The following PPP4R3A variants were observed in gnomAD, a reference collection of about 807,000 sequenced individuals.
PPP4R3A encodes serine/threonine-protein phosphatase 4 regulatory subunit 3A.
A neutral mutation model predicts 91.7 loss-of-function variants in PPP4R3A; 15 were observed. The observed-to-expected ratio is 0.16, with a 90% CI of 0.11 to 0.25. The LOEUF is 0.25. Ranked by LOEUF, PPP4R3A falls within the 10% of genes least tolerant of loss-of-function variation. The pLI is 1.00. For synonymous variants in PPP4R3A, 377 were observed against 348.7 expected (o/e 1.08, Z -0.91); for missense variants, 623 against 998.4 (o/e 0.62, Z 5.07).
upstream of PPP4R3A, chr14:91,510,509 T>A (rs1038533437): frequency 1.3e-5 from 2 of 152,260 alleles, no homozygotes; most frequent in Non-Finnish European, 2.9e-5. Flanking sequence ...CGAGGCTCCC[T>A]CCCGCCTCCT....
chr14:91,477,302 T>C (rs2140103497), intron 4 of PPP4R3A, among the ~76,000 whole-genome samples: 1 of 152,306 alleles, frequency 6.6e-6, no homozygotes, highest in African/African-American at 2.4e-5. Context: ...TGGAAATGAA[T>C]GGATATGGCT....
At chr14:91,475,701 T>C (rs1192545570) in intron 7 of PPP4R3A, 110 bp downstream of exon 7, 2 of 1,091,666 alleles carry the variant, frequency 1.8e-6, no homozygotes, top group Non-Finnish European at 2.6e-6. Context: ...TGTCTGATAT[T>C]ATGGCTACAC....
intron 4 of PPP4R3A, among the ~76,000 whole-genome samples, chr14:91,477,588 A>G (rs1889285189): frequency 6.6e-6 from 1 of 152,206 alleles, no homozygotes; most frequent in African/African-American, 2.4e-5. Context: ...AAGGTGGCAG[A>G]GCCTTCATGA....
intron 4 of PPP4R3A, 56 bp from the exon 5 acceptor site, chr14:91,477,042 A>AT: frequency 3.0e-6 from 4 of 1,343,412 alleles, no homozygotes; most frequent in Non-Finnish European, 4.2e-6. Context: ...CCTAAAATAT[A>AT]ATTTCAGGAA....
chr14:91,469,839 T>C (rs1338404097), intron 10 of PPP4R3A, among the ~76,000 whole-genome samples: 3 of 151,984 alleles, frequency 2.0e-5, no homozygotes, highest in Non-Finnish European at 2.9e-5. Flanking sequence ...GCTGGGATTA[T>C]AGACATGAGC....
At chr14:91,478,243 T>A (rs941548575) in intron 4 of PPP4R3A, among the ~76,000 whole-genome samples, 23 of 152,230 alleles carry the variant, frequency 1.5e-4, no homozygotes, top group African/African-American at 5.3e-4. Context: ...ATCTCCAATA[T>A]ACTATATTCT....
chr14:91,494,351 AT>A (rs769168466), intron 1 of PPP4R3A, among the ~76,000 whole-genome samples: 1 of 152,212 alleles, frequency 6.6e-6, no homozygotes, highest in Non-Finnish European at 1.5e-5. Context: ...AAACAATACC[AT>A]CAAGTAAAAA....
chr14:91,495,024 A>G (rs1172674996), intron 1 of PPP4R3A, among the ~76,000 whole-genome samples: 1 of 152,170 alleles, frequency 6.6e-6, no homozygotes, highest in Non-Finnish European at 1.5e-5. Flanking sequence ...CAATTTTGGA[A>G]AAGTTTGGCA....
chr14:91,508,639 G>T (rs1040998102), intron 1 of PPP4R3A, among the ~76,000 whole-genome samples: 1 of 152,082 alleles, frequency 6.6e-6, no homozygotes, highest in Admixed American at 6.6e-5. Context: ...TTTAAAATAT[G>T]AAACAGCACA....
rs375015159 is a variant in PPP4R3A, at chr14:91,490,837, T to C, written c.143-35A>G. On this transcript the variant is annotated intron_variant, in intron 1 of 14. Transcript: ENST00000554943. ...AGAAAAAGACATTCCATTATGTTAC[T>C]GTAAAACAGCAAAATTATATTCCCT... 1.9e-5 allele frequency: 28 copies of C among 1,439,276 alleles called. No homozygotes were observed. In the African/African-American group the frequency reaches 3.7e-4, roughly 19 times the overall value. 89.2% of individuals were successfully genotyped at this position (1,439,276 alleles called of 1,614,324 possible). A position where few individuals can be genotyped will look rare whatever the true frequency, so the allele number is the denominator to read the frequency against.
At chr14:91,509,402 G>A in intron 1 of PPP4R3A, 104 bp downstream of exon 1, 5 of 1,481,972 alleles carry the variant, frequency 3.4e-6, no homozygotes, top group South Asian at 1.2e-5. Flanking sequence ...CTCCCCAGCC[G>A]TCCCTCTGTT....
intron 10 of PPP4R3A, among the ~76,000 whole-genome samples, chr14:91,468,667 C>CAAAAA (rs766250846): frequency 0.41 from 18,235 of 44,754 alleles, 4,248 homozygotes; most frequent in East Asian, 0.55. Context: ...GACTCCGTCT[C>CAAAAA]AAAAAAAAAA....
intron 1 of PPP4R3A, among the ~76,000 whole-genome samples, chr14:91,507,442 T>C (rs1291342678): frequency 1.5e-5 from 2 of 136,382 alleles, no homozygotes; most frequent in Admixed American, 7.6e-5. Flanking sequence ...TAATTATATA[T>C]ACTATATAGT....
At chr14:91,499,342 G>A (rs1296311221) in intron 1 of PPP4R3A, among the ~76,000 whole-genome samples, 1 of 152,118 alleles carries the variant, frequency 6.6e-6, no homozygotes, top group East Asian at 1.9e-4. Context: ...AAAGTTCGAG[G>A]AATGCTACAC....
At position 91,500,229 on chromosome 14, in the gene PPP4R3A, G is replaced by GC. The variant is rs377024017; in HGVS notation, c.142+9276_142+9277insG. ...GCACTCAATACTTTTTTTTGAGACG[G>GC]ATTTCACTCTTGTCAGGCTGGAGTG... On this transcript the variant is annotated intron_variant, in intron 1 of 14. Coordinates refer to ENST00000554943, the MANE Select transcript of PPP4R3A (RefSeq NM_001366432.2). Among the ~76,000 whole-genome samples the GC allele has an allele frequency of 8.7e-3, 3 of 346 alleles. No homozygotes were observed. The Admixed American group carries it at 0.1, about 12-fold the overall frequency. The allele number at this position is 346 out of a possible 152,430, so 0.2% of individuals were successfully genotyped here.
chr14:91,491,248 T>C (rs1169874373), intron 1 of PPP4R3A, among the ~76,000 whole-genome samples: 2 of 151,652 alleles, frequency 1.3e-5, no homozygotes, highest in Non-Finnish European at 2.9e-5. Flanking sequence ...TTTGTAGAGA[T>C]AGAGTCTCGC....
chr14:91,508,373 C>G (rs1235141912), intron 1 of PPP4R3A, among the ~76,000 whole-genome samples: 1 of 152,210 alleles, frequency 6.6e-6, no homozygotes, highest in Middle Eastern at 3.4e-3. Flanking sequence ...AATTGGAGTT[C>G]TGGGGAGAGT....
At chr14:91,507,438 T>C (rs1454888867) in intron 1 of PPP4R3A, among the ~76,000 whole-genome samples, 2 of 130,852 alleles carry the variant, frequency 1.5e-5, no homozygotes, top group Non-Finnish European at 3.0e-5. Flanking sequence ...ACTATAATTA[T>C]ATATACTATA....
chr14:91,458,081 G>GA lies in PPP4R3A; in HGVS notation c.*677dup, dbSNP rs928455748. 50 of 147,204 alleles carry GA rather than the reference G, an allele frequency of 3.4e-4. 1 individual carries two copies. Among genetic ancestry groups the GA allele is most frequent in the Middle Eastern group, 7.0e-3 (2 of 286 alleles). 9.1% of individuals were successfully genotyped at this position (147,204 alleles called of 1,614,324 possible). On this transcript the variant is annotated 3_prime_UTR_variant, in exon 15 of 15. Transcript: ENST00000554943. Reference sequence around the variant, plus strand: ...ACAACTAAGCATACACTCAGGGGAGGAAAAAAAAAATCAAAAACAAAATAA... The same window carrying GA: ...ACAACTAAGCATACACTCAGGGGAGGAAAAAAAAAAATCAAAAACAAAATAA...
Sources: allele counts gnomAD v4.1 joint callset (sites outside exome capture counted in the v4.1 genomes callset), GRCh38; gene constraint gnomAD v4.1.1; transcripts MANE v1.5; gene names NCBI Gene and HGNC (gene_info 2026-07-23, HGNC 2026-07-21).